The following PLEC variants were observed in gnomAD, a reference collection of about 807,000 sequenced individuals.
The protein encoded by PLEC is plectin.
PLEC carries 216 observed loss-of-function variants against 392.8 expected under a neutral mutation model. That is an observed-to-expected ratio of 0.55 (90% CI 0.49 to 0.62). The LOEUF (loss-of-function observed/expected upper bound fraction) is 0.62, where lower values mean the gene tolerates loss of function less well. Among genes scored for constraint, PLEC ranks in the 20% least tolerant of loss-of-function variants. The pLI, the probability that PLEC is intolerant of heterozygous loss-of-function variation, is 0.00. For missense variants in PLEC, 6,863 were observed against 6,563.4 expected (o/e 1.05, Z -1.58); for synonymous variants, 3,621 against 2,980.6 (o/e 1.21, Z -7.00).
chr8:143,946,905 C>T (rs1831558293), intron 1 of PLEC, among the ~76,000 whole-genome samples: 2 of 152,102 alleles, frequency 1.3e-5, no homozygotes, highest in Admixed American at 1.3e-4. Context: ...CCACCTGAGT[C>T]CTCCCCAACC....
In PLEC at chr8:143,918,283, G is replaced by A. The variant is rs535707886; in HGVS notation, c.11538C>T (p.Tyr3846=). ...GGCGCTCGTCGGTGGACGGGTCCAC[G>A]TAGCTGCGCACCTCGCTGGGCTCTG... ...QLSEPSEVRS[Y]VDPSTDERLS... Residue 3846 remains tyrosine (Y), a synonymous_variant, in exon 32 of 32, where the codon TAC becomes TAT. Transcript: ENST00000345136. 145 of 1,592,826 alleles carry A rather than the reference G, an allele frequency of 9.1e-5. No homozygotes were observed. The highest frequency in any genetic ancestry group is 5.9e-4 in the African/African-American group (44 of 74,916).
At position 143,921,540 on chromosome 8, in the gene PLEC, G is replaced by A; in HGVS notation, c.8281C>T (p.Pro2761Ser). The A allele has an allele frequency of 5.0e-6, 8 of 1,612,788 alleles. No individual in the cohort carries two copies. The highest frequency in any genetic ancestry group is 6.8e-6 in the Non-Finnish European group (8 of 1,179,722). ...GACAGCAGCTTGTGGTGCAGCTCGG[G>A]GCCCACCACACCCTCCTTCACAGCC... Reference protein sequence around the residue: ...NEAVKEGVVGPELHHKLLSAE... With the variant: ...NEAVKEGVVGSELHHKLLSAE... The change falls in exon 32 of 32, where the codon CCC (proline) becomes TCC (serine). Residue 2761 changes from proline (P) to serine (S), a missense_variant. Physicochemically the swap from Pro to Ser is moderately conservative, Grantham distance 74. Coordinates refer to ENST00000345136, the MANE Select transcript of PLEC (RefSeq NM_201384.3).
At chr8:143,926,211 C>T (rs1388609919) in intron 30 of PLEC, among the ~76,000 whole-genome samples, 1 of 152,238 alleles carries the variant, frequency 6.6e-6, no homozygotes, top group Non-Finnish European at 1.5e-5. Flanking sequence ...CAGCACACAG[C>T]CCTGCCTGAG....
Position 143,973,525 on chromosome 8 carries a change from A to T in PLEC, c.-53T>A. On this transcript the variant is annotated 5_prime_UTR_variant, in exon 1 of 32. Coordinates refer to the PLEC transcript ENST00000356346. The surrounding 1 kb of genome is among the most constrained non-coding windows in gnomAD (Gnocchi z 5.6). ...GCGGAGCCTCCAGCACCCGGCGGCC[A>T]CTCTGTCCCCGCGGCCGCGCGCGCC... The T allele has an allele frequency of 8.0e-7, 1 of 1,256,284 alleles. No homozygotes were observed. Among genetic ancestry groups the T allele is most frequent in the Non-Finnish European group, 1.0e-6 (1 of 991,336 alleles). The allele number at this position is 1,256,284 out of a possible 1,614,324, so 77.8% of individuals were successfully genotyped here.
At chr8:143,971,396 T>G (rs1554744277) in intron 1 of PLEC, among the ~76,000 whole-genome samples, 1 of 152,038 alleles carries the variant, frequency 6.6e-6, no homozygotes, top group Non-Finnish European at 1.5e-5. Context: ...ATGGAGGGAT[T>G]TGGGGCTGCC....
chr8:143,934,171 C>T, intron 11 of PLEC, 80 bp from the exon 12 acceptor site: 2 of 1,588,704 alleles, frequency 1.3e-6, no homozygotes, highest in South Asian at 1.1e-5. Context: ...TCGCCTCCCG[C>T]TCCGGTCTCC....
At position 143,924,343 on chromosome 8, in the gene PLEC, C is replaced by G; in HGVS notation, c.5586G>C (p.Glu1862Asp). Residue 1862 changes from glutamate (E) to aspartate (D), a missense_variant, in exon 31 of 32, where the codon GAG becomes GAC. Coordinates refer to ENST00000345136, the MANE Select transcript of PLEC (RefSeq NM_201384.3). The part of the protein sequence containing the change: ...AEIALKEKEA[E>D]NERLRRLAED... ...CCGCCAGCCGCCGCAGGCGCTCGTT[C>G]TCCGCCTCCTTCTCCTTGAGCGCGA... 3 of 1,597,054 alleles carry G rather than the reference C, an allele frequency of 1.9e-6. No individual in the cohort carries two copies. In the South Asian group the frequency reaches 3.3e-5, roughly 18 times the overall value.
intron 1 of PLEC, among the ~76,000 whole-genome samples, chr8:143,949,519 C>G (rs1172249368): frequency 6.6e-6 from 1 of 152,144 alleles, no homozygotes. Context: ...TCCTGTGCGA[C>G]CTGGTTCGTA....
chr8:143,941,155 C>A (rs549167205), upstream of PLEC, among the ~76,000 whole-genome samples: 463 of 152,356 alleles, frequency 3.0e-3, 2 homozygotes, highest in African/African-American at 0.011. Context: ...TGAGGCCAAG[C>A]CCCGCGCCTG....
At position 143,918,555 on chromosome 8, in the gene PLEC, C is replaced by T. The variant is rs369563702; in HGVS notation, c.11266G>A (p.Glu3756Lys). The part of the protein sequence containing the change: ...EAVRKGLVGP[E>K]LHDRLLSAER... Reference sequence around the variant, plus strand: ...GCCGAGAGCAGGCGGTCGTGCAGCTCGGGCCCCACGAGGCCCTTCCGCACA... The same window carrying T: ...GCCGAGAGCAGGCGGTCGTGCAGCTTGGGCCCCACGAGGCCCTTCCGCACA... The change falls in exon 32 of 32, where the codon GAG becomes AAG. Residue 3756 changes from glutamate to lysine, a missense_variant. Transcript: ENST00000345136. The T allele has an allele frequency of 2.4e-5, 38 of 1,610,792 alleles. No individual in the cohort carries two copies. The highest frequency in any genetic ancestry group is 4.0e-5 in the African/African-American group (3 of 75,006).
At chr8:143,966,652 G>A (rs1226084885) in intron 1 of PLEC, among the ~76,000 whole-genome samples, 1 of 152,062 alleles carries the variant, frequency 6.6e-6, no homozygotes, top group African/African-American at 2.4e-5. Context: ...GGCTCGGCTG[G>A]GGGGGTACAA....
chr8:143,950,388 C>A, exon 1 of PLEC: 1 of 1,601,758 alleles, frequency 6.2e-7, no homozygotes, highest in Admixed American at 1.7e-5. Context: ...GCGGGCATCA[C>A]CATGGCGACG....
In PLEC at chr8:143,922,104, G is replaced by A. The variant is rs1564000724; in HGVS notation, c.7717C>T (p.Leu2573=). The change falls in exon 32 of 32, where the codon CTG becomes TTG. Residue 2573 remains leucine, a synonymous_variant. Coordinates refer to ENST00000345136, the MANE Select transcript of PLEC (RefSeq NM_201384.3). ...EEGVRRKQEE[L]QQLEQQRRQQ... ...CGCCGCTGCTGCTCCAGCTGCTGCA[G>A]CTCCTCCTGCTTGCGCCGCACGCCC... 14 of 1,557,178 alleles carry A rather than the reference G, an allele frequency of 9.0e-6. No individual in the cohort carries two copies. Among genetic ancestry groups the A allele is most frequent in the Non-Finnish European group, 1.2e-5 (14 of 1,158,346 alleles).
Position 143,933,310 on chromosome 8 carries a change from C to T in PLEC, c.1305G>A (p.Ala435=), listed in dbSNP as rs369877618. 313 of 1,612,746 alleles carry T rather than the reference C, an allele frequency of 1.9e-4. No individual in the cohort carries two copies. The highest frequency in any genetic ancestry group is 2.5e-4 in the Non-Finnish European group (292 of 1,179,982). Residue 435 remains alanine (A), a synonymous_variant, in exon 13 of 32, where the codon GCG becomes GCA. Transcript: ENST00000345136. ...TGTCCAAGTCCCGTTCCACCTCCCC[C>T]GCCCGCTGTGGCACTTTGCCTGCAG... ...LLAAGKVPQR[A]GEVERDLDKA...
chr8:143,918,802 G>A lies in PLEC; in HGVS notation c.11019C>T (p.Leu3673=), dbSNP rs1554676253. 6.2e-7 allele frequency: 1 copy of A among 1,613,092 alleles called. No individual in the cohort carries two copies. Among genetic ancestry groups the A allele is most frequent in the Non-Finnish European group, 8.5e-7 (1 of 1,180,034 alleles). Residue 3673 remains leucine, a synonymous_variant, in exon 32 of 32, where the codon CTC becomes CTT. Transcript: ENST00000345136. ...YNLLREGTRS[L]REALEAESAW... ...CGGACTCCGCCTCGAGAGCCTCACG[G>A]AGGCTCCTGGTGCCCTCCCGGAGCA...
chr8:143,921,214 C>T lies in PLEC; in HGVS notation c.8607G>A (p.Glu2869=), dbSNP rs200819891. 7.1e-5 allele frequency: 114 copies of T among 1,613,970 alleles called. No individual in the cohort carries two copies. Among genetic ancestry groups the T allele is most frequent in the Non-Finnish European group, 9.0e-5 (106 of 1,180,056 alleles). The change falls in exon 32 of 32, where the codon GAG becomes GAA. Residue 2869 remains glutamate (E), a synonymous_variant. Coordinates refer to ENST00000345136, the MANE Select transcript of PLEC (RefSeq NM_201384.3). ...HENLTYLQLL[E]RCVEDPETGL... ...CCGTCTCGGGGTCCTCCACGCAGCG[C>T]TCCAGTAGCTGCAGGTACGTGAGGT...
At chr8:143,931,121 CCTT>C (rs1452730038) in intron 19 of PLEC, among the ~76,000 whole-genome samples, 1 of 152,142 alleles carries the variant, frequency 6.6e-6, no homozygotes, top group Non-Finnish European at 1.5e-5. Context: ...TGGCAGTGCT[CCTT>C]CTATAGCACA....
rs782012805 is a variant in PLEC, at chr8:143,939,494, G to T, written c.-33C>A. On this transcript the variant is annotated 5_prime_UTR_variant, in exon 1 of 32. Coordinates refer to ENST00000345136, the MANE Select transcript of PLEC (RefSeq NM_201384.3). ...CCACACCTTCGTCGCCCGGACCCTC[G>T]GCCTCAGGCACGGTGCTCTGGGCAG... is the stretch of plus-strand genomic sequence containing the variant. 2.8e-5 allele frequency: 44 copies of T among 1,592,428 alleles called. No homozygotes were observed. The highest frequency in any genetic ancestry group is 8.5e-7 in the Non-Finnish European group (1 of 1,170,602).
At chr8:143,944,731 T>C in intron 1 of PLEC, 1 of 1,267,316 alleles carries the variant, frequency 7.9e-7, no homozygotes, top group Non-Finnish European at 1.0e-6. Context: ...CACAGGCCCC[T>C]CGGAGGAGGC....
Sources: gnomAD v4.1 joint callset for allele counts (sites outside exome capture counted in the v4.1 genomes callset) on GRCh38, gnomAD v4.1.1 for gene constraint, Gnocchi (gnomAD v3.1) non-coding constraint, MANE v1.5 for transcripts, NCBI Gene and HGNC (gene_info 2026-07-23, HGNC 2026-07-21) for gene names.